Variants in KMT2D observed in about 807,000 individuals in gnomAD.
KMT2D encodes lysine methyltransferase 2D.
KMT2D carries 55 observed loss-of-function variants against 512.7 expected under a neutral mutation model. The observed-to-expected ratio is 0.11, with a 90% confidence interval of 0.09 to 0.13. The LOEUF is 0.13. Ranked by LOEUF, KMT2D falls within the 10% of genes least tolerant of loss-of-function variation. The probability of loss-of-function intolerance (pLI) is 1.00; values close to 1 mark genes in which losing one functional copy is unlikely to be tolerated. For synonymous variants in KMT2D, 2,995 were observed against 2,904.0 expected, an observed-to-expected ratio of 1.03 and a Z score of -1.01; for missense variants, 6,061 against 7,127.9, an observed-to-expected ratio of 0.85 and a Z score of 5.39.
chr12:49,026,722 C>A lies in KMT2D; in HGVS notation c.15244G>T (p.Val5082Phe), dbSNP rs1197308353. Residue 5082 changes from valine to phenylalanine, a missense_variant, in exon 49 of 55, where the codon GTT (valine) becomes TTT (phenylalanine). By Grantham distance (50) the Val-to-Phe change is conservative. Coordinates refer to ENST00000301067, the MANE Select transcript of KMT2D (RefSeq NM_003482.4). This position sits in a 1 kb window ranked among gnomAD's most constrained non-coding sequence, Gnocchi z 9.6. ...TQGGALMNVE[V>F]ALHRGLLTKC... ...GTTAGCAGTCCTCGGTGCAGGGCAA[C>A]CTCCACATTCATCAGTGCCCCGCCC... is the stretch of plus-strand genomic sequence containing the variant. The A allele has an allele frequency of 6.2e-7, 1 of 1,614,006 alleles. No homozygotes were observed. Among genetic ancestry groups the A allele is most frequent in the Non-Finnish European group, 8.5e-7 (1 of 1,179,878 alleles).
chr12:49,031,124 C>G (rs534206546), intron 40 of KMT2D, 51 bp downstream of exon 40: 9 of 1,609,612 alleles, frequency 5.6e-6, no homozygotes, highest in Non-Finnish European at 7.6e-6. Context: ...TTCTGCCCCC[C>G]GCTGGCTCTA....
chr12:49,050,299 G>C lies in KMT2D; in HGVS notation c.3289C>G (p.Pro1097Ala), dbSNP rs1392209315. ...GCGGGGCAGGAAAGGTCCCCCATTG[G>C]GGAAGGGAGAGGACTGGTGGCACTG... is the stretch of plus-strand genomic sequence containing the variant. The part of the protein sequence containing the change: ...EPSATSPLPS[P>A]MGDLSCPAPS... The change falls in exon 12 of 55, where the codon CCA becomes GCA. Residue 1097 changes from proline to alanine, a missense_variant. Pro to Ala is a conservative substitution (Grantham distance 27). Around this residue, in one of 16 missense-constraint regions of KMT2D, gnomAD observed 447 missense variants for 500.1 expected, o/e 0.89. Transcript: ENST00000301067. The C allele has an allele frequency of 6.2e-7, 1 of 1,611,520 alleles. No individual in the cohort carries two copies. The highest frequency in any genetic ancestry group is 1.1e-5 in the South Asian group (1 of 90,628).
intron 49 of KMT2D, 77 bp from the exon 50 acceptor site, chr12:49,025,023 A>G (rs2137712550): frequency 6.6e-7 from 1 of 1,509,830 alleles, no homozygotes; most frequent in Non-Finnish European, 9.0e-7. Context: ...CCAATCCAGA[A>G]CTGCAGTTTT....
chr12:49,026,519 A>G lies in KMT2D; in HGVS notation c.15447T>C (p.Phe5149=). The G allele has an allele frequency of 6.2e-7, 1 of 1,613,970 alleles. No individual in the cohort carries two copies. The highest frequency in any genetic ancestry group is 2.2e-5 in the East Asian group (1 of 44,886). ...CAATGTAGACCCGCCGGAAGACAGC[A>G]AAAGAGCTCAGCTCTTGCTCACAGG... ...KGPCEQELSS[F]AVFRRVYIER... Residue 5149 remains phenylalanine (F), a synonymous_variant, in exon 49 of 55, where the codon TTT becomes TTC. Coordinates refer to ENST00000301067, the MANE Select transcript of KMT2D (RefSeq NM_003482.4). The surrounding 1 kb of genome is among the most constrained non-coding windows in gnomAD (Gnocchi z 9.6).
Position 49,046,837 on chromosome 12 carries a change from G to C in KMT2D, c.4237-47C>G, listed in dbSNP as rs2120613744. Reference sequence around the variant, plus strand: ...TCTCAGGGTGTGAGGTGGAAAAGAGGTAGAACTTCTTTTTATTTTTTTTTG... The same window carrying C: ...TCTCAGGGTGTGAGGTGGAAAAGAGCTAGAACTTCTTTTTATTTTTTTTTG... On this transcript the variant is annotated intron_variant, in intron 15 of 54. Coordinates refer to ENST00000301067, the MANE Select transcript of KMT2D (RefSeq NM_003482.4). This position sits in a 1 kb window ranked among gnomAD's most constrained non-coding sequence, Gnocchi z 4.2. 6.5e-7 allele frequency: 1 copy of C among 1,539,272 alleles called. No individual in the cohort carries two copies. Among genetic ancestry groups the C allele is most frequent in the Non-Finnish European group, 8.8e-7 (1 of 1,132,202 alleles).
At position 49,038,041 on chromosome 12, in the gene KMT2D, A is replaced by G. The variant is rs2120489611; in HGVS notation, c.9315T>C (p.Asp3105=). Residue 3105 remains aspartate, a synonymous_variant, in exon 35 of 55, where the codon GAT becomes GAC. Coordinates refer to ENST00000301067, the MANE Select transcript of KMT2D (RefSeq NM_003482.4). This position sits in a 1 kb window ranked among gnomAD's most constrained non-coding sequence, Gnocchi z 5.7. ...GPEERPPPAA[D]ASEPRLASVL... ...CAGATGCCAGGCGGGGTTCAGAGGC[A>G]TCAGCAGCAGGGGGAGGGCGCTCCT... 6.2e-7 allele frequency: 1 copy of G among 1,611,596 alleles called. No homozygotes were observed.
In KMT2D at chr12:49,053,827, A is replaced by T. The variant is rs867507009; in HGVS notation, c.673+151T>A. 8.2e-5 allele frequency: 89 copies of T among 1,083,634 alleles called. No individual in the cohort carries two copies. In the African/African-American group the frequency reaches 1.3e-3, roughly 16 times the overall value. 67.1% of individuals were successfully genotyped at this position (1,083,634 alleles called of 1,614,324 possible). ...ACAAAATGATAAATGAGACAGGCAA[A>T]ACCCTGGTGCTCACAAAGTTCACAC... is the stretch of plus-strand genomic sequence containing the variant. On this transcript the variant is annotated intron_variant, in intron 6 of 54. Transcript: ENST00000301067.
Position 49,020,725 on chromosome 12 carries a change from G to C in KMT2D, c.*1055C>G, listed in dbSNP as rs981989327. On this transcript the variant is annotated 3_prime_UTR_variant, in exon 55 of 55. Coordinates refer to ENST00000301067, the MANE Select transcript of KMT2D (RefSeq NM_003482.4). The stretch of plus-strand genomic sequence containing the variant: ...GGTATGGGCATGCCACTCAGGGATA[G>C]CCCTCACCCTACCCCCCACCCAACC... 5 of 211,968 alleles carry C rather than the reference G, an allele frequency of 2.4e-5. No individual in the cohort carries two copies. Among genetic ancestry groups the C allele is most frequent in the African/African-American group, 1.1e-4 (5 of 43,866 alleles). 13.1% of individuals were successfully genotyped at this position (211,968 alleles called of 1,614,324 possible).
rs746998877 is a variant in KMT2D at position 49,043,801 on chromosome 12, G to C, written c.5320-19C>G. 1 of 1,612,774 alleles carries C rather than the reference G, an allele frequency of 6.2e-7. No homozygotes were observed. The highest frequency in any genetic ancestry group is 1.7e-5 in the Admixed American group (1 of 59,914). ...AGGCTTCCTGTGGGGCAGTCAAGGA[G>C]AAACAGTTTTCTTCATGCCCTGCAG... On this transcript the variant is annotated intron_variant, in intron 23 of 54. Coordinates refer to ENST00000301067, the MANE Select transcript of KMT2D (RefSeq NM_003482.4).
Position 49,037,868 on chromosome 12 carries a change from C to G in KMT2D, c.9488G>C (p.Ser3163Thr), listed in dbSNP as rs1353341181. The G allele has an allele frequency of 6.3e-7, 1 of 1,597,130 alleles. No individual in the cohort carries two copies. The highest frequency in any genetic ancestry group is 8.5e-7 in the Non-Finnish European group (1 of 1,171,924). Reference sequence around the variant, plus strand: ...CCCTGTGCCCATCCGGGTATCCCGGCTGCCCATCATGCTCTGTCCTGGCTT... The same window carrying G: ...CCCTGTGCCCATCCGGGTATCCCGGGTGCCCATCATGCTCTGTCCTGGCTT... Reference protein sequence around the residue: ...GLKPGQSMMGSRDTRMGTGPF... With the variant: ...GLKPGQSMMGTRDTRMGTGPF... Residue 3163 changes from serine (S) to threonine (T), a missense_variant, in exon 35 of 55, where the codon AGC becomes ACC. Coordinates refer to ENST00000301067, the MANE Select transcript of KMT2D (RefSeq NM_003482.4).
Position 49,041,567 on chromosome 12 carries a change from G to A in KMT2D, c.6235-32C>T, listed in dbSNP as rs371302554. On this transcript the variant is annotated intron_variant, in intron 31 of 54. Transcript: ENST00000301067. The surrounding 1 kb of genome is among the most constrained non-coding windows in gnomAD (Gnocchi z 5.4). ...GGGGAGACCAGGCATAGGGCAGTCA[G>A]GCTGCTGCAGGCAGGCCCCATGGCC... The A allele has an allele frequency of 6.2e-7, 1 of 1,612,686 alleles. No individual in the cohort carries two copies. Among genetic ancestry groups the A allele is most frequent in the Non-Finnish European group, 8.5e-7 (1 of 1,179,260 alleles).
chr12:49,053,662 A>G (rs2120699559), intron 6 of KMT2D, 21 bp from the exon 7 acceptor site: 2 of 1,580,668 alleles, frequency 1.3e-6, no homozygotes, highest in East Asian at 4.7e-5. Flanking sequence ...TAGAGACACC[A>G]CAGGTCAGCT....
Position 49,033,483 on chromosome 12 carries a change from T to C in KMT2D, c.11222A>G (p.Gln3741Arg), listed in dbSNP as rs1230733835. The C allele has an allele frequency of 1.2e-6, 2 of 1,602,448 alleles. No individual in the cohort carries two copies. The highest frequency in any genetic ancestry group is 1.7e-6 in the Non-Finnish European group (2 of 1,173,262). ...TCCTAGAAGGTGCTGCTGCTGCTGT[T>C]GCTGCTGCTGCTGCTGCTGCAGTTT... ...AQKLQQQQQQ[Q>R]QQQQHLLGQV... Residue 3741 changes from glutamine to arginine, a missense_variant, in exon 40 of 55, where the codon CAA becomes CGA. Coordinates refer to ENST00000301067, the MANE Select transcript of KMT2D (RefSeq NM_003482.4).
Position 49,050,744 on chromosome 12 carries a change from T to C in KMT2D, c.2844A>G (p.Pro948=), listed in dbSNP as rs746518862. 3 of 1,612,298 alleles carry C rather than the reference T, an allele frequency of 1.9e-6. No individual in the cohort carries two copies. Among genetic ancestry groups the C allele is most frequent in the Admixed American group, 1.7e-5 (1 of 59,914 alleles). Residue 948 remains proline, a synonymous_variant, in exon 12 of 55, where the codon CCA becomes CCG. Coordinates refer to ENST00000301067, the MANE Select transcript of KMT2D (RefSeq NM_003482.4). ...PLSPIITAAA[P]PALSPLGELE... The stretch of plus-strand genomic sequence containing the variant: ...ACTCCCCCAAAGGAGACAGGGCCGG[T>C]GGGGCCGCAGCTGTGATGATGGGTG...
In KMT2D at chr12:49,028,733, T is replaced by C. The variant is rs1592109787; in HGVS notation, c.14382+95A>G. ...ACATACAATAGGTACTCAGTACATG[T>C]GCTTGAACGACTACATTTTTCCTTA... On this transcript the variant is annotated intron_variant, in intron 46 of 54. Coordinates refer to ENST00000301067, the MANE Select transcript of KMT2D (RefSeq NM_003482.4). 3.3e-6 allele frequency: 5 copies of C among 1,507,176 alleles called. No homozygotes were observed. In the East Asian group the frequency reaches 6.8e-5, roughly 20 times the overall value. The allele number at this position is 1,507,176 out of a possible 1,614,324, so 93.4% of individuals were successfully genotyped here.
intron 46 of KMT2D, among the ~76,000 whole-genome samples, 180 bp downstream of exon 46, chr12:49,028,648 C>T (rs149718377): frequency 1.2e-3 from 181 of 152,314 alleles, no homozygotes; most frequent in African/African-American, 4.2e-3. Flanking sequence ...CTACGAGCCC[C>T]GTGAGGGCAG....
In KMT2D at chr12:49,049,193, C is replaced by A. The variant is rs1479060523; in HGVS notation, c.3932G>T (p.Arg1311Ile). ...KQGRSSSFPG[R>I]RRPRGGAHGG... ...ATGGGCTCCTCCACGAGGCCGGCGT[C>A]TTCCTGGGAAACTGCTGCTGCGACC... Residue 1311 changes from arginine (R) to isoleucine (I), a missense_variant, in exon 13 of 55, where the codon AGA (arginine) becomes ATA (isoleucine). Arg to Ile is a moderately conservative substitution (Grantham distance 97). Around this residue, in one of 16 missense-constraint regions of KMT2D, gnomAD observed 447 missense variants for 500.1 expected, o/e 0.89. Transcript: ENST00000301067. 1 of 1,606,990 alleles carries A rather than the reference C, an allele frequency of 6.2e-7. No homozygotes were observed. The highest frequency in any genetic ancestry group is 8.5e-7 in the Non-Finnish European group (1 of 1,176,422).
Position 49,054,264 on chromosome 12 carries a change from C to G in KMT2D, c.510+43G>C, listed in dbSNP as rs1410415839. The G allele has an allele frequency of 1.3e-6, 2 of 1,547,256 alleles. No homozygotes were observed. The highest frequency in any genetic ancestry group is 1.8e-6 in the Non-Finnish European group (2 of 1,141,260). ...TCCAACCTGACTCTCAGAAGCCCAC[C>G]AGCCCTGCCCTTCACCTATGCAATC... On this transcript the variant is annotated intron_variant, in intron 5 of 54. Transcript: ENST00000301067. This position sits in a 1 kb window ranked among gnomAD's most constrained non-coding sequence, Gnocchi z 6.4.
chr12:49,048,032 G>GC lies in KMT2D; in HGVS notation c.4168dup (p.Ala1390GlyfsTer42), dbSNP rs756471180. Reference sequence around the variant, plus strand: ...CGAACAGGCAAGGAGGTGGCCCTCTGCCCCCCGGCCAAAGCTGCCACATAC... The same window carrying GC: ...CGAACAGGCAAGGAGGTGGCCCTCTGCCCCCCCGGCCAAAGCTGCCACATAC... On this transcript the variant is annotated frameshift_variant, in exon 15 of 55. Transcript: ENST00000301067. LOFTEE classifies it high-confidence loss of function. 1.9e-6 allele frequency: 3 copies of GC among 1,610,456 alleles called. No individual in the cohort carries two copies. Among genetic ancestry groups the GC allele is most frequent in the Non-Finnish European group, 1.7e-6 (2 of 1,176,970 alleles).
Sources: allele counts gnomAD v4.1 joint callset (sites outside exome capture counted in the v4.1 genomes callset), GRCh38; gene constraint gnomAD v4.1.1; regional missense constraint gnomAD v4.1.1; non-coding constraint Gnocchi (gnomAD v3.1); transcripts MANE v1.5; gene names NCBI Gene and HGNC (gene_info 2026-07-23, HGNC 2026-07-21).